Variants in ADAMTS6 observed in about 807,000 individuals in gnomAD.
ADAMTS6 encodes the protein ADAM metallopeptidase with thrombospondin type 1 motif 6.
A neutral mutation model predicts 144.3 loss-of-function variants in ADAMTS6; 23 were observed. That is an observed-to-expected ratio of 0.16 (90% CI 0.11 to 0.23). The LOEUF (loss-of-function observed/expected upper bound fraction) is 0.23, where lower values mean the gene tolerates loss of function less well. Ranked by LOEUF, ADAMTS6 falls within the 10% of genes least tolerant of loss-of-function variation. ADAMTS6 has a pLI of 1.00. For synonymous variants in ADAMTS6, 444 were observed against 457.5 expected (o/e 0.97, Z 0.38); for missense variants, 999 against 1,379.6 (o/e 0.72, Z 4.37).
chr5:65,333,997 TAAAAAAAAAAAAAAAAAA>T, intron 8 of ADAMTS6, 27 bp downstream of exon 8: 1 of 841,054 alleles, frequency 1.2e-6, no homozygotes, highest in Non-Finnish European at 1.5e-6. Context: ...CTACCTTTAT[TAAAAAAAAAAAAAAAAAA>T]AAAAAAAAAA....
At chr5:65,336,465 T>C (rs577087376) in intron 7 of ADAMTS6, among the ~76,000 whole-genome samples, 1 of 152,162 alleles carries the variant, frequency 6.6e-6, no homozygotes, top group South Asian at 2.1e-4. Context: ...CATGAACCCA[T>C]ACAAAAACCC....
intron 7 of ADAMTS6, among the ~76,000 whole-genome samples, chr5:65,363,586 T>C (rs1580496010): frequency 6.6e-6 from 1 of 152,208 alleles, no homozygotes; most frequent in East Asian, 1.9e-4. Flanking sequence ...ATTCTTCTTT[T>C]TGGCAACGAG....
Position 65,317,999 on chromosome 5 carries a change from T to C in ADAMTS6, c.1223+11379A>G, listed in dbSNP as rs548509016. 1.5e-3 allele frequency among the ~76,000 whole-genome samples: 218 copies of C among 141,104 alleles called. 1 individual carries two copies. The highest frequency in any genetic ancestry group is 2.8e-3 in the Non-Finnish European group (187 of 66,528). 92.6% of individuals were successfully genotyped at this position (141,104 alleles called of 152,430 possible). A position where few individuals can be genotyped will look rare whatever the true frequency, so the allele number is the denominator to read the frequency against. On this transcript the variant is annotated intron_variant, in intron 9 of 24. Transcript: ENST00000381055. ...CTGAGGCAGGAGAATGGCGTGAACCTGGGAGGTGGAGCTTGCACTGAGCCG... is the reference window on the plus strand; with the variant it reads ...CTGAGGCAGGAGAATGGCGTGAACCCGGGAGGTGGAGCTTGCACTGAGCCG...
intron 11 of ADAMTS6, among the ~76,000 whole-genome samples, chr5:65,280,999 G>T (rs905060893): frequency 6.6e-5 from 10 of 152,090 alleles, no homozygotes. Flanking sequence ...ATCACTTAGG[G>T]ATCATGTAGG....
chr5:65,159,318 C>T (rs1310156982), intron 24 of ADAMTS6, among the ~76,000 whole-genome samples: 2 of 152,148 alleles, frequency 1.3e-5, no homozygotes, highest in African/African-American at 2.4e-5. Context: ...GCATATCAAA[C>T]CCCAGTTTTT....
intron 9 of ADAMTS6, among the ~76,000 whole-genome samples, chr5:65,301,120 T>C (rs1743332847): frequency 6.6e-6 from 1 of 152,178 alleles, no homozygotes; most frequent in Non-Finnish European, 1.5e-5. Context: ...TATATAGCCA[T>C]GCTTAGTGCT....
chr5:65,258,709 G>C (rs1760905689), intron 14 of ADAMTS6, among the ~76,000 whole-genome samples: 1 of 152,164 alleles, frequency 6.6e-6, no homozygotes, highest in Non-Finnish European at 1.5e-5. Context: ...TATAAGCTAT[G>C]AGACAGAAAA....
At chr5:65,458,421 T>A (rs1759387505) in intron 4 of ADAMTS6, among the ~76,000 whole-genome samples, 1 of 152,206 alleles carries the variant, frequency 6.6e-6, no homozygotes, top group South Asian at 2.1e-4. Flanking sequence ...CTTTCTTTTT[T>A]TTGTTTTTGA....
intron 7 of ADAMTS6, among the ~76,000 whole-genome samples, chr5:65,419,999 G>A (rs758292558): frequency 3.3e-5 from 5 of 152,096 alleles, no homozygotes; most frequent in East Asian, 1.9e-4. Context: ...AATTTATAAC[G>A]GAAAGAGGTT....
At chr5:65,204,071 G>A (rs1037510638) in intron 20 of ADAMTS6, among the ~76,000 whole-genome samples, 1 of 152,134 alleles carries the variant, frequency 6.6e-6, no homozygotes, top group Non-Finnish European at 1.5e-5. Context: ...AGAATATTTT[G>A]GCTTAGCAGA....
At chr5:65,252,387 G>A (rs773747148) in intron 14 of ADAMTS6, among the ~76,000 whole-genome samples, 8 of 150,718 alleles carry the variant, frequency 5.3e-5, no homozygotes, top group Admixed American at 1.3e-4. Flanking sequence ...GATCACAGGC[G>A]CCCGCAACCA....
At position 65,207,994 on chromosome 5, in the gene ADAMTS6, C is replaced by A. The variant is rs116087771; in HGVS notation, c.2575+6800G>T. 3.3e-3 allele frequency among the ~76,000 whole-genome samples: 505 copies of A among 152,314 alleles called. 2 individuals carry two copies. Among genetic ancestry groups the A allele is most frequent in the African/African-American group, 0.012 (486 of 41,568 alleles). ...TGAAGGAAAACTGTAAATATATAGG[C>A]ATGCCCAAGGCCAATGGCCATATTA... On this transcript the variant is annotated intron_variant, in intron 20 of 24. Transcript: ENST00000381055.
rs547623672 is a variant in ADAMTS6, at chr5:65,285,805, C to T, written c.1512+5524G>A. Among the ~76,000 whole-genome samples the T allele has an allele frequency of 9.2e-5, 14 of 152,252 alleles. No individual in the cohort carries two copies. The East Asian group carries it at 2.3e-3, about 25-fold the overall frequency. On this transcript the variant is annotated intron_variant, in intron 11 of 24. Coordinates refer to ENST00000381055, the MANE Select transcript of ADAMTS6 (RefSeq NM_197941.4). ...AGAAAAGGCCTCATTTACATGATCA[C>T]ACTTAATAAGTAACCAAATAAGCAA...
intron 10 of ADAMTS6, 102 bp from the exon 11 acceptor site, chr5:65,291,572 T>G (rs566092828): frequency 8.2e-7 from 1 of 1,212,320 alleles, no homozygotes; most frequent in East Asian, 2.8e-5. Context: ...ACTTGACGCA[T>G]GAAAAACAAT....
At chr5:65,216,675 T>C (rs1756940883) in intron 18 of ADAMTS6, among the ~76,000 whole-genome samples, 1 of 152,014 alleles carries the variant, frequency 6.6e-6, no homozygotes, top group Non-Finnish European at 1.5e-5. Flanking sequence ...AAAAGAACTT[T>C]TTTTCTCATA....
intron 4 of ADAMTS6, among the ~76,000 whole-genome samples, chr5:65,457,958 C>T (rs1580754521): frequency 1.3e-5 from 2 of 151,658 alleles, no homozygotes; most frequent in African/African-American, 4.8e-5. Flanking sequence ...ATCTCCTGAC[C>T]TCGTGATCCG....
chr5:65,175,369 A>G (rs1456609887), intron 22 of ADAMTS6, among the ~76,000 whole-genome samples: 1 of 148,984 alleles, frequency 6.7e-6, no homozygotes, highest in East Asian at 2.0e-4. Context: ...AAAGAAAGAG[A>G]GAAAGAGAGA....
chr5:65,439,731 A>C (rs1286952021), intron 7 of ADAMTS6, among the ~76,000 whole-genome samples: 2 of 152,210 alleles, frequency 1.3e-5, no homozygotes, highest in Non-Finnish European at 2.9e-5. Flanking sequence ...TGAAGATTAA[A>C]TAATAGTACT....
intron 9 of ADAMTS6, among the ~76,000 whole-genome samples, chr5:65,323,943 T>C (rs1165691408): frequency 1.3e-5 from 2 of 152,216 alleles, no homozygotes; most frequent in Non-Finnish European, 2.9e-5. Context: ...TTCATATCCT[T>C]TGCCCACTTT....
Sources: gnomAD v4.1 joint callset for allele counts (sites outside exome capture counted in the v4.1 genomes callset) on GRCh38, gnomAD v4.1.1 for gene constraint, MANE v1.5 for transcripts, NCBI Gene and HGNC (gene_info 2026-07-23, HGNC 2026-07-21) for gene names.